GPBP1L1: variants seen among roughly 807,000 people sequenced by gnomAD.
GPBP1L1 encodes the protein vasculin-like protein 1.
A neutral mutation model predicts 52.5 loss-of-function variants in GPBP1L1; 23 were observed. The ratio of observed to expected loss-of-function variants is 0.44; its 90% CI spans 0.32 to 0.62. GPBP1L1 has a LOEUF of 0.62. Among genes scored for constraint, GPBP1L1 ranks in the 20% least tolerant of loss-of-function variants. The pLI is 0.06. For missense variants in GPBP1L1, 596 were observed against 579.3 expected (o/e 1.03, Z -0.30); for synonymous variants, 243 against 203.1 (o/e 1.20, Z -1.67).
At chr1:45,655,459 AG>A in intron 4 of GPBP1L1, 140 bp from the exon 5 acceptor site, 1 of 895,980 alleles carries the variant, frequency 1.1e-6, no homozygotes, top group South Asian at 1.7e-5. Context: ...ATGGACCCTA[AG>A]GGTACCCACA....
chr1:45,642,375 T>G, intron 7 of GPBP1L1, 52 bp downstream of exon 7: 6 of 1,239,078 alleles, frequency 4.8e-6, no homozygotes, highest in East Asian at 4.7e-5. Flanking sequence ...CTCCCCTCCC[T>G]GCTAAGAAAA....
intron 6 of GPBP1L1, among the ~76,000 whole-genome samples, chr1:45,649,632 C>T (rs370616213): frequency 1.3e-5 from 2 of 152,104 alleles, no homozygotes; most frequent in East Asian, 3.9e-4. Flanking sequence ...GCCATCATAT[C>T]AGGAGGTTTA....
chr1:45,656,680 T>A (rs1644888661), intron 4 of GPBP1L1, among the ~76,000 whole-genome samples: 1 of 151,808 alleles, frequency 6.6e-6, no homozygotes, highest in Admixed American at 6.6e-5. Flanking sequence ...TTTTTTTTTT[T>A]TTTTTAAGAG....
At chr1:45,633,804 G>C in intron 9 of GPBP1L1, 157 bp from the exon 10 acceptor site, 1 of 818,098 alleles carries the variant, frequency 1.2e-6, no homozygotes, top group South Asian at 1.9e-5. Flanking sequence ...CTTCAGTTTT[G>C]CAGGGTTTAT....
Position 45,642,453 on chromosome 1 carries a change from G to C in GPBP1L1, c.524C>G (p.Pro175Arg). Reference sequence around the variant, plus strand: ...CCATACTCCAGAAGGTGTCCCAATAGGTCTGCATGGCTGATGCTGTTTGCC... The same window carrying C: ...CCATACTCCAGAAGGTGTCCCAATACGTCTGCATGGCTGATGCTGTTTGCC... ...EAGKQHQPCR[P>R]IGTPSGVWEN... The change falls in exon 7 of 13, where the codon CCT becomes CGT. Residue 175 changes from proline (P) to arginine (R), a missense_variant. Coordinates refer to ENST00000355105, the MANE Select transcript of GPBP1L1 (RefSeq NM_021639.5). The C allele has an allele frequency of 6.2e-7, 1 of 1,613,976 alleles. No homozygotes were observed. The highest frequency in any genetic ancestry group is 8.5e-7 in the Non-Finnish European group (1 of 1,179,878).
intron 9 of GPBP1L1, 126 bp from the exon 10 acceptor site, chr1:45,633,773 C>T: frequency 9.6e-7 from 1 of 1,041,672 alleles, no homozygotes; most frequent in Non-Finnish European, 1.4e-6. Context: ...CCAAACAATC[C>T]TTTTATTTAA....
rs755095935 is a variant in GPBP1L1 at position 45,641,401 on chromosome 1, AAAAAC to A, written c.551-1003_551-999del. ...GGCGACAGAGTGAGATTCTGTCTCA[AAAAAC>A]AAAACAAAACAAAACAAAAAACCAC... On this transcript the variant is annotated intron_variant, in intron 7 of 12. Coordinates refer to ENST00000355105, the MANE Select transcript of GPBP1L1 (RefSeq NM_021639.5). Among the ~76,000 whole-genome samples the A allele has an allele frequency of 3.7e-4, 57 of 152,106 alleles. No homozygotes were observed. The East Asian group carries it at 7.1e-3, about 19-fold the overall frequency.
intron 8 of GPBP1L1, chr1:45,635,087 A>G (rs2148426182): frequency 6.6e-6 from 1 of 152,328 alleles, no homozygotes; most frequent in East Asian, 1.9e-4. Context: ...TAGGAAAGGA[A>G]TTAACTTTAC....
rs1191130220 is a variant in GPBP1L1 at position 45,661,020 on chromosome 1, G to T, written c.-892C>A. On this transcript the variant is annotated 5_prime_UTR_variant, in exon 3 of 13. Transcript: ENST00000355105. Reference sequence around the variant, plus strand: ...TGGGTAGGATGGATATTAAGAAATAGTCAAGGAGAAATATAGGTCCAAAAT... The same window carrying T: ...TGGGTAGGATGGATATTAAGAAATATTCAAGGAGAAATATAGGTCCAAAAT... The T allele has an allele frequency of 6.6e-6, 1 of 152,190 alleles. No individual in the cohort carries two copies. The allele number at this position is 152,190 out of a possible 1,614,324, so 9.4% of individuals were successfully genotyped here.
At chr1:45,631,847 G>A (rs976922330) in intron 10 of GPBP1L1, among the ~76,000 whole-genome samples, 12 of 151,994 alleles carry the variant, frequency 7.9e-5, no homozygotes, top group African/African-American at 2.7e-4. Context: ...TTGAGGAGGG[G>A]AGGTCGAGGC....
intron 2 of GPBP1L1, among the ~76,000 whole-genome samples, chr1:45,662,880 G>A (rs11211156): frequency 0.012 from 1,775 of 151,874 alleles, 26 homozygotes; most frequent in African/African-American, 0.037. Flanking sequence ...GTGAAACCCC[G>A]TCACTACTAA....
In GPBP1L1 at chr1:45,660,264, G is replaced by A; in HGVS notation, c.-136C>T. On this transcript the variant is annotated 5_prime_UTR_variant, in exon 3 of 13. Coordinates refer to ENST00000355105, the MANE Select transcript of GPBP1L1 (RefSeq NM_021639.5). ...TCCCACAAGGTTTCCTTGTTAAAAG[G>A]GTGCTTAAGTAACCTGGCCGGCAGC... The A allele has an allele frequency of 1.0e-6, 1 of 985,230 alleles. No homozygotes were observed. Among genetic ancestry groups the A allele is most frequent in the Non-Finnish European group, 1.2e-6 (1 of 829,910 alleles). The allele number at this position is 985,230 out of a possible 1,614,324, so 61.0% of individuals were successfully genotyped here.
intron 2 of GPBP1L1, among the ~76,000 whole-genome samples, chr1:45,663,931 C>T (rs1326617299): frequency 1.3e-5 from 2 of 151,358 alleles, no homozygotes; most frequent in Non-Finnish European, 2.9e-5. Flanking sequence ...GAAGAAAAAA[C>T]ACATCATTTA....
intron 6 of GPBP1L1, among the ~76,000 whole-genome samples, chr1:45,646,597 C>G (rs1644749627): frequency 6.6e-6 from 1 of 151,796 alleles, no homozygotes; most frequent in African/African-American, 2.4e-5. Context: ...CACTCTGTCC[C>G]CAGGCTGGAG....
At chr1:45,660,120 G>A (rs1292860727) in intron 3 of GPBP1L1, 64 bp downstream of exon 3, 2 of 899,314 alleles carry the variant, frequency 2.2e-6, no homozygotes, top group Non-Finnish European at 2.7e-6. Flanking sequence ...AAAGCAGTCG[G>A]TATTTTTCAT....
At chr1:45,646,102 CTT>C in intron 6 of GPBP1L1, 1 of 447,058 alleles carries the variant, frequency 2.2e-6, no homozygotes, top group East Asian at 6.1e-5. Flanking sequence ...TGGACAATGA[CTT>C]TGGAGCATGG....
At position 45,640,335 on chromosome 1, in the gene GPBP1L1, C is replaced by A; in HGVS notation, c.619G>T (p.Ala207Ser). ...GTGAATGCAGCAGAGAAGGCAGCAG[C>A]AGGATCCTCTTTGGAAACTTTTTTG... ...VIKKVSKEDPAAAFSAAFTSP... is the reference protein window; with the variant it reads ...VIKKVSKEDPSAAFSAAFTSP... Residue 207 changes from alanine to serine, a missense_variant, in exon 8 of 13, where the codon GCT (alanine) becomes TCT (serine). By Grantham distance (99) the Ala-to-Ser change is moderately conservative. Transcript: ENST00000355105. 1.9e-6 allele frequency: 3 copies of A among 1,614,120 alleles called. No individual in the cohort carries two copies. Among genetic ancestry groups the A allele is most frequent in the Non-Finnish European group, 2.5e-6 (3 of 1,179,996 alleles).
rs1345446495 is a variant in GPBP1L1, at chr1:45,685,561, C to T, written c.-1098+15G>A. 1 of 152,224 alleles carries T rather than the reference C, an allele frequency of 6.6e-6. No homozygotes were observed. Among genetic ancestry groups the T allele is most frequent in the East Asian group, 1.9e-4 (1 of 5,208 alleles). The allele number at this position is 152,224 out of a possible 1,614,324, so 9.4% of individuals were successfully genotyped here. ...TTATGTAAACTTTTGGAATAGTCAACTTTGTGAGCCTCACCTTTGTTTTCA... is the reference window on the plus strand; with the variant it reads ...TTATGTAAACTTTTGGAATAGTCAATTTTGTGAGCCTCACCTTTGTTTTCA... On this transcript the variant is annotated intron_variant, in intron 2 of 12. Coordinates refer to ENST00000355105, the MANE Select transcript of GPBP1L1 (RefSeq NM_021639.5).
chr1:45,634,486 G>C (rs910197432), intron 8 of GPBP1L1: 1 of 344,236 alleles, frequency 2.9e-6, no homozygotes, highest in African/African-American at 2.1e-5. Flanking sequence ...TAGTTCAATA[G>C]TTCAATGAGT....
Sources: gnomAD v4.1 joint callset for allele counts (sites outside exome capture counted in the v4.1 genomes callset) on GRCh38, gnomAD v4.1.1 for gene constraint, MANE v1.5 for transcripts, NCBI Gene and HGNC (gene_info 2026-07-23, HGNC 2026-07-21) for gene names.